The following FRMPD4 variants were observed in gnomAD, a reference collection of about 807,000 sequenced individuals.
The protein encoded by FRMPD4 is FERM and PDZ domain-containing protein 4.
Under a neutral mutation model 94.1 loss-of-function variants are expected in FRMPD4, and 22 were observed. That is an observed-to-expected ratio of 0.23 (90% CI 0.17 to 0.33). The LOEUF is 0.33. Among genes scored for constraint, FRMPD4 ranks in the 10% least tolerant of loss-of-function variants. The probability of loss-of-function intolerance (pLI) is 1.00; values close to 1 mark genes in which losing one functional copy is unlikely to be tolerated. For synonymous variants in FRMPD4, 631 were observed against 548.6 expected (o/e 1.15, Z -2.10); for missense variants, 1,111 against 1,339.9 (o/e 0.83, Z 2.67).
At chrX:12,512,395 C>A (rs1205722795) in intron 2 of FRMPD4, among the ~76,000 whole-genome samples, 1 of 112,065 alleles carries the variant, frequency 8.9e-6, no homozygotes, top group African/African-American at 3.3e-5. Flanking sequence ...CAACTACAGG[C>A]CCCAGTGTGT....
intron 4 of FRMPD4, among the ~76,000 whole-genome samples, chrX:12,617,064 C>T (rs746117021): frequency 8.9e-6 from 1 of 111,793 alleles, no homozygotes; most frequent in South Asian, 3.8e-4. Context: ...TCTGGTTTAA[C>T]GCTTGTAGAA....
In FRMPD4 at chrX:12,350,979, T is replaced by G. The variant is rs771681234; in HGVS notation, c.42-147701T>G. On this transcript the variant is annotated intron_variant, in intron 1 of 16. Coordinates refer to ENST00000675598, the MANE Select transcript of FRMPD4 (RefSeq NM_001368397.1). ...TCACGAGGTCAGGAAATCGAGACCA[T>G]CCTGGCCAACATGGTGAAACCCCGT... 7.9e-4 allele frequency among the ~76,000 whole-genome samples: 88 copies of G among 111,380 alleles called. 1 individual carries two copies. The highest frequency in any genetic ancestry group is 3.0e-3 in the Admixed American group (32 of 10,571).
At chrX:12,222,080 C>T (rs961697610) in intron 1 of FRMPD4, among the ~76,000 whole-genome samples, 1 of 111,698 alleles carries the variant, frequency 9.0e-6, no homozygotes, top group African/African-American at 3.3e-5. Context: ...TGCCTTTAAT[C>T]CCGATACTTT....
chrX:12,297,100 T>C (rs898635262), intron 1 of FRMPD4, among the ~76,000 whole-genome samples: 5 of 112,754 alleles, frequency 4.4e-5, no homozygotes, highest in African/African-American at 1.6e-4. Context: ...GACTGCTTCA[T>C]TGACTGTCCA....
intron 1 of FRMPD4, among the ~76,000 whole-genome samples, chrX:12,390,242 G>C (rs2056457032): frequency 8.9e-6 from 1 of 112,131 alleles, no homozygotes; most frequent in Non-Finnish European, 1.9e-5. Flanking sequence ...ATAAAAGAGA[G>C]AGTATGAATT....
rs181366408 is a variant in FRMPD4 at position 12,611,894 on chromosome X, A to G, written c.319+2013A>G. Among the ~76,000 whole-genome samples the G allele has an allele frequency of 6.9e-4, 76 of 110,522 alleles. 1 individual carries two copies. The highest frequency in any genetic ancestry group is 2.4e-3 in the African/African-American group (73 of 30,377). ...CATGCTTTGTAAAAAAAAAAAATAG[A>G]AACAATGTAGATAGTATAGAGGAGA... On this transcript the variant is annotated intron_variant, in intron 3 of 16. Transcript: ENST00000675598.
intron 3 of FRMPD4, among the ~76,000 whole-genome samples, chrX:11,999,107 A>T (rs1423843025): frequency 9.0e-6 from 1 of 111,720 alleles, no homozygotes; most frequent in Non-Finnish European, 1.9e-5. Context: ...CTATTGTATA[A>T]GGATCTCATC....
chrX:11,948,470 T>C (rs2054202516), intron 3 of FRMPD4, among the ~76,000 whole-genome samples: 1 of 111,778 alleles, frequency 8.9e-6, no homozygotes, highest in African/African-American at 3.3e-5. Flanking sequence ...TCCAGAACTG[T>C]GAAAAAATAC....
At chrX:12,227,813 G>C (rs946915255) in intron 1 of FRMPD4, among the ~76,000 whole-genome samples, 4 of 98,462 alleles carry the variant, frequency 4.1e-5, no homozygotes, top group African/African-American at 1.5e-4. Context: ...AGAAAAAAAA[G>C]AGAAAGAGAG....
chrX:12,245,000 C>G (rs2053933948), intron 1 of FRMPD4, among the ~76,000 whole-genome samples: 1 of 112,873 alleles, frequency 8.9e-6, no homozygotes, highest in African/African-American at 3.2e-5. Context: ...AACTACCTTG[C>G]AAGTCCTTAT....
At chrX:11,881,810 C>G (rs1374932180) in intron 3 of FRMPD4, among the ~76,000 whole-genome samples, 5 of 112,033 alleles carry the variant, frequency 4.5e-5, no homozygotes, top group African/African-American at 1.6e-4. Flanking sequence ...ATATTAGTTT[C>G]TTGCCCTTAA....
chrX:12,702,619 A>G (rs1402444743), intron 10 of FRMPD4, among the ~76,000 whole-genome samples: 1 of 112,477 alleles, frequency 8.9e-6, no homozygotes, highest in Admixed American at 9.4e-5. Context: ...TGGGCTGCCT[A>G]GAAAGCCTTT....
intron 1 of FRMPD4, among the ~76,000 whole-genome samples, chrX:11,828,952 C>G (rs988966246): frequency 2.1e-4 from 24 of 112,064 alleles, no homozygotes; most frequent in African/African-American, 7.4e-4. Flanking sequence ...CGAGCAGGCT[C>G]AAGCTCCATG....
chrX:12,015,840 G>T (rs2054602119), intron 3 of FRMPD4, among the ~76,000 whole-genome samples: 1 of 111,979 alleles, frequency 8.9e-6, no homozygotes, highest in African/African-American at 3.2e-5. Context: ...GAGGCAGCAG[G>T]CATGAGATGA....
intron 1 of FRMPD4, among the ~76,000 whole-genome samples, chrX:12,446,922 G>GGGAT: frequency 9.0e-6 from 1 of 111,033 alleles, no homozygotes; most frequent in East Asian, 2.8e-4. Context: ...TGGTGGTTGG[G>GGGAT]GGATGGAATG....
chrX:12,308,634 CTG>C (rs2054982283), intron 1 of FRMPD4, among the ~76,000 whole-genome samples: 1 of 111,248 alleles, frequency 9.0e-6, no homozygotes, highest in Non-Finnish European at 1.9e-5. Flanking sequence ...ACAACAGACA[CTG>C]TAGGGGGGTG....
Position 12,454,887 on chromosome X carries a change from G to T in FRMPD4, c.42-43793G>T, listed in dbSNP as rs186340311. Among the ~76,000 whole-genome samples, 7 of 105,099 alleles carry T rather than the reference G, an allele frequency of 6.7e-5. No individual in the cohort carries two copies. The East Asian group carries it at 1.2e-3, about 18-fold the overall frequency. 91.3% of individuals were successfully genotyped at this position (105,099 alleles called of 115,157 possible). A position where few individuals can be genotyped will look rare whatever the true frequency, so the allele number is the denominator to read the frequency against. ...AAACTATAACCTCATCATCTTTTCA[G>T]TGAGGTATCACTAAGCCTACCTATC... is the stretch of plus-strand genomic sequence containing the variant. On this transcript the variant is annotated intron_variant, in intron 1 of 16. Transcript: ENST00000675598.
intron 3 of FRMPD4, among the ~76,000 whole-genome samples, chrX:11,966,187 G>A (rs2054308579): frequency 9.0e-6 from 1 of 111,500 alleles, no homozygotes; most frequent in South Asian, 3.8e-4. Flanking sequence ...CTGGATGTTT[G>A]TGCCCCCCAC....
chrX:12,499,384 A>G (rs1167997199), intron 2 of FRMPD4, among the ~76,000 whole-genome samples: 2 of 112,496 alleles, frequency 1.8e-5, no homozygotes, highest in East Asian at 5.5e-4. Flanking sequence ...GAAATTTACC[A>G]TTTTAACCAG....
Sources: allele counts gnomAD v4.1 joint callset (sites outside exome capture counted in the v4.1 genomes callset), GRCh38; gene constraint gnomAD v4.1.1; transcripts MANE v1.5; gene names NCBI Gene and HGNC (gene_info 2026-07-23, HGNC 2026-07-21).